TJP1: variants seen among roughly 807,000 people sequenced by gnomAD.
TJP1 encodes the protein tight junction protein 1.
In TJP1, 43 loss-of-function variants were observed where a neutral mutation model predicts 194.2. The ratio of observed to expected loss-of-function variants is 0.22; its 90% CI spans 0.17 to 0.29. The LOEUF (loss-of-function observed/expected upper bound fraction) is 0.29, where lower values mean the gene tolerates loss of function less well. Ranked by LOEUF, TJP1 falls within the 10% of genes least tolerant of loss-of-function variation. TJP1 has a pLI of 1.00. For missense variants in TJP1, 1,971 were observed against 2,185.7 expected, an observed-to-expected ratio of 0.90 and a Z score of 1.96; for synonymous variants, 801 against 779.0, an observed-to-expected ratio of 1.03 and a Z score of -0.47.
chr15:29,710,915 G>C lies in TJP1; in HGVS notation c.4288C>G (p.Pro1430Ala). The change falls in exon 24 of 28, where the codon CCA (proline) becomes GCA (alanine). Residue 1430 changes from proline (P) to alanine (A), a missense_variant. Pro to Ala is a conservative substitution (Grantham distance 27, BLOSUM62 -1). Coordinates refer to ENST00000614355, the MANE Select transcript of TJP1 (RefSeq NM_001330239.4). ...GGCTGGGCATACTGCGAGGGCAATGGAGGAGGAGGGGGAGTGGCCTGGATG... is the reference window on the plus strand; with the variant it reads ...GGCTGGGCATACTGCGAGGGCAATGCAGGAGGAGGGGGAGTGGCCTGGATG... ...EPIQATPPPP[P>A]LPSQYAQPSQ... 6.2e-7 allele frequency: 1 copy of C among 1,614,160 alleles called. No homozygotes were observed. The highest frequency in any genetic ancestry group is 8.5e-7 in the Non-Finnish European group (1 of 1,180,026).
chr15:29,701,742 TA>T (rs1322602040), intron 27 of TJP1, 53 bp from the exon 28 acceptor site: 10 of 1,364,494 alleles, frequency 7.3e-6, no homozygotes, highest in Non-Finnish European at 1.0e-5. Flanking sequence ...CTGCTATCCG[TA>T]ATGCTTTGCA....
intron 2 of TJP1, among the ~76,000 whole-genome samples, chr15:29,908,287 T>A (rs2053894368): frequency 6.6e-6 from 1 of 151,948 alleles, no homozygotes; most frequent in Non-Finnish European, 1.5e-5. Flanking sequence ...CCTAAAAGCT[T>A]CCAAAGAGAC....
At chr15:29,899,244 T>G (rs1054993513) in intron 2 of TJP1, among the ~76,000 whole-genome samples, 1 of 152,226 alleles carries the variant, frequency 6.6e-6, no homozygotes, top group South Asian at 2.1e-4. Context: ...CCCACTAGCA[T>G]GAAGAAATAA....
At chr15:29,728,780 G>A (rs1025407271) in intron 15 of TJP1, 1 of 152,178 alleles carries the variant, frequency 6.6e-6, no homozygotes, top group Non-Finnish European at 1.5e-5. Context: ...GTCACACTGA[G>A]GTTCAAGATA....
chr15:29,744,726 A>G (rs921762458), intron 8 of TJP1, among the ~76,000 whole-genome samples: 1 of 152,186 alleles, frequency 6.6e-6, no homozygotes, highest in African/African-American at 2.4e-5. Flanking sequence ...AAACATATAC[A>G]GCCATACAGA....
intron 2 of TJP1, among the ~76,000 whole-genome samples, chr15:29,920,652 G>A (rs972410599): frequency 2.0e-5 from 3 of 152,142 alleles, no homozygotes; most frequent in East Asian, 1.9e-4. Context: ...TCTGCGGGGC[G>A]AAGGTGCTGA....
chr15:29,704,794 T>C (rs1185375307), intron 26 of TJP1, among the ~76,000 whole-genome samples: 2 of 152,214 alleles, frequency 1.3e-5, no homozygotes, highest in East Asian at 1.9e-4. Context: ...GTTTGCTCCA[T>C]AGGTGGTTAA....
intron 2 of TJP1, among the ~76,000 whole-genome samples, chr15:29,943,207 G>A (rs1241003347): frequency 6.6e-6 from 1 of 152,194 alleles, no homozygotes; most frequent in East Asian, 1.9e-4. Flanking sequence ...AGATGATGGA[G>A]AAGGTCTTTT....
At chr15:29,948,958 AC>A (rs1313010043) in intron 2 of TJP1, among the ~76,000 whole-genome samples, 12 of 137,568 alleles carry the variant, frequency 8.7e-5, no homozygotes, top group African/African-American at 1.1e-4. Flanking sequence ...CACCACCACC[AC>A]CCCCTCCACC....
chr15:29,791,132 T>C (rs2048054569), intron 2 of TJP1, among the ~76,000 whole-genome samples: 1 of 152,040 alleles, frequency 6.6e-6, no homozygotes. Context: ...GTTGAAGCAA[T>C]TCCCCTGCCT....
At chr15:29,954,814 C>G (rs1469361143) in intron 2 of TJP1, among the ~76,000 whole-genome samples, 1 of 152,140 alleles carries the variant, frequency 6.6e-6, no homozygotes, top group Non-Finnish European at 1.5e-5. Context: ...GGCACGGTGG[C>G]TCACGCCTGT....
chr15:29,947,355 T>C (rs1301249697), intron 2 of TJP1, among the ~76,000 whole-genome samples: 2 of 152,168 alleles, frequency 1.3e-5, no homozygotes, highest in Non-Finnish European at 2.9e-5. Context: ...CTCAGAATCA[T>C]AGGAATTTTG....
At chr15:29,906,561 G>GT (rs917446181) in intron 2 of TJP1, among the ~76,000 whole-genome samples, 3 of 151,552 alleles carry the variant, frequency 2.0e-5, no homozygotes, top group African/African-American at 4.8e-5. Flanking sequence ...AAAATACTGG[G>GT]TTTTTTTGTT....
intron 2 of TJP1, among the ~76,000 whole-genome samples, chr15:29,878,220 T>C (rs2052783137): frequency 6.6e-6 from 1 of 152,022 alleles, no homozygotes; most frequent in South Asian, 2.1e-4. Context: ...TGGCTATTTT[T>C]TTTGTATTTT....
rs1474004057 is a variant in TJP1, at chr15:29,925,620, T to TTA, written c.306+30611_306+30612insTA. Among the ~76,000 whole-genome samples the TTA allele has an allele frequency of 4.6e-5, 7 of 152,202 alleles. No homozygotes were observed. The East Asian group carries it at 1.3e-3, about 29-fold the overall frequency. The stretch of plus-strand genomic sequence containing the variant: ...ACACAAATACACGCACCCTTTTTTC[T>TTA]AGTATGGGCTGTTCTTAAAGGTATG... On this transcript the variant is annotated intron_variant, in intron 2 of 28. Coordinates refer to the TJP1 transcript ENST00000356107.
At chr15:29,949,433 A>T (rs2055468346) in intron 2 of TJP1, among the ~76,000 whole-genome samples, 1 of 142,486 alleles carries the variant, frequency 7.0e-6, no homozygotes, top group East Asian at 2.2e-4. Context: ...CACAACCACC[A>T]CCTCCACCTC....
At chr15:29,748,834 A>G (rs1444699313) in intron 8 of TJP1, among the ~76,000 whole-genome samples, 1 of 151,962 alleles carries the variant, frequency 6.6e-6, no homozygotes, top group Non-Finnish European at 1.5e-5. Context: ...TCGGCTTCCA[A>G]AAGTGCTGGA....
At chr15:29,915,712 T>G (rs1459895012) in intron 2 of TJP1, among the ~76,000 whole-genome samples, 1 of 152,238 alleles carries the variant, frequency 6.6e-6, no homozygotes, top group Non-Finnish European at 1.5e-5. Flanking sequence ...GTGTTTGTCA[T>G]CAATTATATT....
intron 2 of TJP1, among the ~76,000 whole-genome samples, chr15:29,797,582 TA>T (rs201927768): frequency 0.063 from 8,454 of 133,200 alleles, 241 homozygotes; most frequent in East Asian, 0.14. Flanking sequence ...CTGAATACGT[TA>T]AAAAAAAAAA....
Sources: allele counts gnomAD v4.1 joint callset (sites outside exome capture counted in the v4.1 genomes callset), GRCh38; gene constraint gnomAD v4.1.1; transcripts MANE v1.5; gene names NCBI Gene and HGNC (gene_info 2026-07-23, HGNC 2026-07-21).